Variants in SPACA7 observed in about 807,000 individuals in gnomAD.
SPACA7 encodes sperm acrosome-associated protein 7.
In SPACA7, 19 loss-of-function variants were observed where a neutral mutation model predicts 26.3. The ratio of observed to expected loss-of-function variants is 0.72; its 90% CI spans 0.50 to 1.06. The LOEUF (loss-of-function observed/expected upper bound fraction) is 1.06, where lower values mean the gene tolerates loss of function less well. SPACA7 is among the 50% of genes least tolerant of loss of function. SPACA7 has a pLI of 0.00. For synonymous variants in SPACA7, 84 were observed against 84.5 expected (o/e 0.99, Z 0.04); for missense variants, 211 against 229.9 (o/e 0.92, Z 0.53).
intron 5 of SPACA7, among the ~76,000 whole-genome samples, chr13:112,419,071 A>G (rs76403236): frequency 0.016 from 2,436 of 152,168 alleles, 58 homozygotes; most frequent in African/African-American, 0.056. Flanking sequence ...CTAATAATAA[A>G]AAGTGGGATC....
chr13:112,390,342 G>A (rs1884801304), intron 1 of SPACA7, among the ~76,000 whole-genome samples: 1 of 152,218 alleles, frequency 6.6e-6, no homozygotes, highest in African/African-American at 2.4e-5. Context: ...CAGTGCCACA[G>A]TGGGGCAGGT....
chr13:112,396,744 C>G (rs1594269410), intron 2 of SPACA7, among the ~76,000 whole-genome samples: 1 of 152,170 alleles, frequency 6.6e-6, no homozygotes, highest in Non-Finnish European at 1.5e-5. Flanking sequence ...TGGCTGGGAT[C>G]CTGGGGCACC....
intron 5 of SPACA7, among the ~76,000 whole-genome samples, chr13:112,432,207 G>A (rs1877217090): frequency 6.6e-6 from 1 of 152,172 alleles, no homozygotes; most frequent in South Asian, 2.1e-4. Flanking sequence ...CAAAGATGTA[G>A]GACTCCACGC....
intron 5 of SPACA7, among the ~76,000 whole-genome samples, chr13:112,425,677 TGAGA>T (rs149310995): frequency 6.6e-6 from 1 of 151,598 alleles, no homozygotes; most frequent in Non-Finnish European, 1.5e-5. Context: ...AGAAGATGTG[TGAGA>T]GAGAGAGAGA....
At chr13:112,426,699 T>C (rs2139067195) in intron 5 of SPACA7, among the ~76,000 whole-genome samples, 1 of 152,384 alleles carries the variant, frequency 6.6e-6, no homozygotes, top group East Asian at 1.9e-4. Flanking sequence ...TATTCATTTT[T>C]AGTATACATA....
intron 5 of SPACA7, among the ~76,000 whole-genome samples, chr13:112,423,910 AT>A (rs933223432): frequency 2.0e-5 from 3 of 152,210 alleles, no homozygotes; most frequent in African/African-American, 4.8e-5. Context: ...TCTTCAAACG[AT>A]TTTTTTAAAA....
intron 5 of SPACA7, among the ~76,000 whole-genome samples, chr13:112,419,256 A>T (rs1258498624): frequency 2.6e-5 from 4 of 152,210 alleles, no homozygotes; most frequent in Non-Finnish European, 5.9e-5. Flanking sequence ...GGTAAGAAGT[A>T]ACCACTGAAT....
intron 6 of SPACA7, among the ~76,000 whole-genome samples, chr13:112,433,621 G>A (rs1485200073): frequency 1.3e-5 from 2 of 149,534 alleles, no homozygotes; most frequent in East Asian, 1.9e-4. Flanking sequence ...GGGAAACGTC[G>A]CTGGAGACGA....
intron 5 of SPACA7, among the ~76,000 whole-genome samples, chr13:112,421,186 C>T (rs1387590885): frequency 9.9e-6 from 1 of 101,318 alleles, no homozygotes; most frequent in Non-Finnish European, 2.0e-5. Context: ...ACTTGAAATA[C>T]AATTGAATCT....
intron 1 of SPACA7, chr13:112,382,250 T>C (rs964305482): frequency 1.1e-5 from 6 of 534,236 alleles, no homozygotes; most frequent in African/African-American, 9.6e-5. Context: ...ATCTTTTTTG[T>C]TGTTTTGTTT....
At chr13:112,393,695 G>T (rs1885047277) in intron 2 of SPACA7, among the ~76,000 whole-genome samples, 2 of 152,284 alleles carry the variant, frequency 1.3e-5, no homozygotes, top group South Asian at 4.1e-4. Flanking sequence ...AACACAGCAT[G>T]AGCCGAAGAT....
chr13:112,381,435 G>T (rs990561311), intron 1 of SPACA7, among the ~76,000 whole-genome samples: 2 of 150,846 alleles, frequency 1.3e-5, no homozygotes, highest in African/African-American at 2.4e-5. Context: ...CGAGGCTGCA[G>T]TGAGTCATGA....
At chr13:112,427,845 T>C (rs1010984426) in intron 5 of SPACA7, among the ~76,000 whole-genome samples, 10 of 152,204 alleles carry the variant, frequency 6.6e-5, no homozygotes, top group Non-Finnish European at 4.4e-5. Flanking sequence ...TTTTTCACAA[T>C]AGTTTTTTTT....
At chr13:112,400,338 C>A (rs1457325884) in intron 4 of SPACA7, among the ~76,000 whole-genome samples, 2 of 152,200 alleles carry the variant, frequency 1.3e-5, no homozygotes, top group Non-Finnish European at 2.9e-5. Context: ...TGAATACCTC[C>A]AAATTTGTCT....
chr13:112,431,881 C>T (rs966695286), intron 5 of SPACA7, among the ~76,000 whole-genome samples: 1 of 152,162 alleles, frequency 6.6e-6, no homozygotes, highest in African/African-American at 2.4e-5. Flanking sequence ...AAGCTGGGGC[C>T]GGTTTGGGGG....
intron 3 of SPACA7, among the ~76,000 whole-genome samples, 167 bp from the exon 4 acceptor site, chr13:112,398,899 C>T (rs1885456453): frequency 6.6e-6 from 1 of 152,220 alleles, no homozygotes; most frequent in African/African-American, 2.4e-5. Flanking sequence ...CAGAGGGCAC[C>T]TGACTCTGTT....
intron 5 of SPACA7, among the ~76,000 whole-genome samples, chr13:112,426,384 A>G (rs1876535319): frequency 6.6e-6 from 1 of 152,218 alleles, no homozygotes; most frequent in Non-Finnish European, 1.5e-5. Flanking sequence ...CAATCTGGCT[A>G]TTCTAGTGCC....
chr13:112,377,212 C>T (rs369177591), intron 1 of SPACA7, among the ~76,000 whole-genome samples: 5 of 152,108 alleles, frequency 3.3e-5, no homozygotes, highest in African/African-American at 1.2e-4. Context: ...AAAAATGAAG[C>T]ATTTATATTT....
At chr13:112,410,768 A>G (rs964961648) in intron 5 of SPACA7, among the ~76,000 whole-genome samples, 6 of 152,126 alleles carry the variant, frequency 3.9e-5, no homozygotes, top group African/African-American at 1.2e-4. Flanking sequence ...AAAAAATAGA[A>G]TTACTGTATG....
Sources: gnomAD v4.1 joint callset for allele counts (sites outside exome capture counted in the v4.1 genomes callset) on GRCh38, gnomAD v4.1.1 for gene constraint, MANE v1.5 for transcripts, NCBI Gene and HGNC (gene_info 2026-07-23, HGNC 2026-07-21) for gene names.